The following VKORC1L1 variants were observed in gnomAD, a reference collection of about 807,000 sequenced individuals.
The protein encoded by VKORC1L1 is vitamin K epoxide reductase complex subunit 1L1.
In VKORC1L1, 2 loss-of-function variants were observed where a neutral mutation model predicts 18.9. The observed-to-expected ratio is 0.11, with a 90% CI of 0.04 to 0.33. The LOEUF is 0.33. VKORC1L1 is among the 10% of genes least tolerant of loss of function. VKORC1L1 has a pLI of 1.00. For synonymous variants in VKORC1L1, 96 were observed against 100.0 expected (o/e 0.96, Z 0.24); for missense variants, 123 against 224.1 (o/e 0.55, Z 2.88).
At chr7:65,921,114 A>G (rs1167209546) in intron 1 of VKORC1L1, among the ~76,000 whole-genome samples, 2 of 152,180 alleles carry the variant, frequency 1.3e-5, no homozygotes, top group Non-Finnish European at 2.9e-5. Flanking sequence ...ATTGATACTT[A>G]GAGCACTAAT....
At chr7:65,924,273 A>C (rs903826528) in intron 1 of VKORC1L1, among the ~76,000 whole-genome samples, 12 of 152,200 alleles carry the variant, frequency 7.9e-5, no homozygotes, top group African/African-American at 2.7e-4. Context: ...GGTTCAATGC[A>C]CCAAGTTAAA....
At chr7:65,941,683 T>G (rs1312143862) in intron 1 of VKORC1L1, among the ~76,000 whole-genome samples, 2 of 142,906 alleles carry the variant, frequency 1.4e-5, no homozygotes, top group Admixed American at 1.4e-4. Context: ...GTTTTTTTTT[T>G]TTTTTTTTTT....
chr7:65,903,004 T>A (rs1239307450), intron 1 of VKORC1L1, among the ~76,000 whole-genome samples: 2 of 151,956 alleles, frequency 1.3e-5, no homozygotes, highest in Non-Finnish European at 2.9e-5. Flanking sequence ...GTAGCTGGGA[T>A]TACAGGCATG....
At chr7:65,920,828 GAA>G (rs76621255) in intron 1 of VKORC1L1, among the ~76,000 whole-genome samples, 1 of 126,188 alleles carries the variant, frequency 7.9e-6, no homozygotes. Context: ...CCTGTTTTTA[GAA>G]AAAAAAAAAG....
At position 65,958,911 on chromosome 7, in the gene VKORC1L1, A is replaced by G. The variant is rs1249117702; in HGVS notation, c.*4611A>G. 1 of 152,260 alleles carries G rather than the reference A, an allele frequency of 6.6e-6. No homozygotes were observed. Among genetic ancestry groups the G allele is most frequent in the Non-Finnish European group, 1.5e-5 (1 of 68,054 alleles). The allele number at this position is 152,260 out of a possible 1,614,324, so 9.4% of individuals were successfully genotyped here. A position where few individuals can be genotyped will look rare whatever the true frequency, so the allele number is the denominator to read the frequency against. ...TCCCTGTATAATCCTCTAAAAAGGT[A>G]GCATCGGCAAGAAAGATGAATCCGT... On this transcript the variant is annotated 3_prime_UTR_variant, in exon 3 of 3. Transcript: ENST00000360768.
At chr7:65,940,199 A>G (rs1260837421) in intron 1 of VKORC1L1, among the ~76,000 whole-genome samples, 1 of 151,678 alleles carries the variant, frequency 6.6e-6, no homozygotes, top group Non-Finnish European at 1.5e-5. Context: ...TAATTTTTTT[A>G]TGTTTTCTAG....
intron 1 of VKORC1L1, among the ~76,000 whole-genome samples, chr7:65,929,730 A>T (rs923708546): frequency 2.2e-5 from 3 of 134,184 alleles, no homozygotes; most frequent in East Asian, 2.2e-4. Flanking sequence ...ACTTTTAAAA[A>T]TTTTTTTTTG....
At chr7:65,947,760 G>A (rs181494486) in intron 1 of VKORC1L1, among the ~76,000 whole-genome samples, 3 of 151,206 alleles carry the variant, frequency 2.0e-5, no homozygotes, top group Non-Finnish European at 4.4e-5. Context: ...GTGCAGTCTC[G>A]GCCCACTGCA....
chr7:65,917,971 T>G (rs1379001622), intron 1 of VKORC1L1, among the ~76,000 whole-genome samples: 1 of 152,190 alleles, frequency 6.6e-6, no homozygotes, highest in African/African-American at 2.4e-5. Context: ...AGGGTCGCGA[T>G]AGGTTAGTAG....
chr7:65,931,587 T>C (rs1343740032), intron 1 of VKORC1L1, among the ~76,000 whole-genome samples: 4 of 152,198 alleles, frequency 2.6e-5, no homozygotes, highest in African/African-American at 9.6e-5. Flanking sequence ...TGTATCTTGT[T>C]TTTTTATTCT....
chr7:65,882,826 G>A (rs368027242), intron 1 of VKORC1L1, among the ~76,000 whole-genome samples: 4 of 152,038 alleles, frequency 2.6e-5, no homozygotes, highest in African/African-American at 7.2e-5. Flanking sequence ...AAATGTTTAC[G>A]ACTACCAAGT....
At chr7:65,887,210 G>A (rs532453980) in intron 1 of VKORC1L1, among the ~76,000 whole-genome samples, 1 of 151,888 alleles carries the variant, frequency 6.6e-6, no homozygotes, top group East Asian at 1.9e-4. Context: ...TGTTACTTTT[G>A]CCATATGCTT....
At chr7:65,916,621 G>A (rs1277602358) in intron 1 of VKORC1L1, among the ~76,000 whole-genome samples, 1 of 148,966 alleles carries the variant, frequency 6.7e-6, no homozygotes, top group Non-Finnish European at 1.5e-5. Context: ...TTTTTGAGAT[G>A]GAGTTTTGCT....
intron 1 of VKORC1L1, among the ~76,000 whole-genome samples, chr7:65,920,085 TC>T (rs1393388759): frequency 4.6e-5 from 7 of 152,110 alleles, no homozygotes; most frequent in Non-Finnish European, 8.8e-5. Context: ...CATCCTGGCT[TC>T]CTGGCTGTAC....
rs1328508197 is a variant in VKORC1L1 at position 65,956,224 on chromosome 7, C to T, written c.*1924C>T. On this transcript the variant is annotated 3_prime_UTR_variant, in exon 3 of 3. Transcript: ENST00000360768. ...ACGTTTGAGGGCTGTACAGTGAGGC[C>T]ATCTTGTAGCAGCGCATCCAGCTCT... 1 of 152,184 alleles carries T rather than the reference C, an allele frequency of 6.6e-6. No homozygotes were observed. Among genetic ancestry groups the T allele is most frequent in the Non-Finnish European group, 1.5e-5 (1 of 68,044 alleles). The allele number at this position is 152,184 out of a possible 1,614,324, so 9.4% of individuals were successfully genotyped here.
At chr7:65,873,824 C>T (rs1788775837) in intron 1 of VKORC1L1, among the ~76,000 whole-genome samples, 2 of 150,388 alleles carry the variant, frequency 1.3e-5, no homozygotes, top group East Asian at 2.0e-4. Flanking sequence ...AGAGTGCAGC[C>T]GGGAGGCCGG....
chr7:65,892,187 G>A (rs1219526234), intron 1 of VKORC1L1, among the ~76,000 whole-genome samples: 7 of 151,892 alleles, frequency 4.6e-5, no homozygotes, highest in Non-Finnish European at 7.4e-5. Flanking sequence ...CCATTCGTCT[G>A]TTGATGGACA....
rs1300603846 is a variant in VKORC1L1, at chr7:65,958,629, C to T, written c.*4329C>T. 6.6e-6 allele frequency: 1 copy of T among 152,122 alleles called. No homozygotes were observed. The highest frequency in any genetic ancestry group is 1.5e-5 in the Non-Finnish European group (1 of 68,030). The allele number at this position is 152,122 out of a possible 1,614,324, so 9.4% of individuals were successfully genotyped here. On this transcript the variant is annotated 3_prime_UTR_variant, in exon 3 of 3. Transcript: ENST00000360768. ...AAGTCTTTTTAGACTCAGTAGGAGC[C>T]TTATATTCTTGAAGTCAATACTGTA... is the stretch of plus-strand genomic sequence containing the variant.
chr7:65,877,548 A>T (rs1309300710), intron 1 of VKORC1L1, among the ~76,000 whole-genome samples: 2 of 152,124 alleles, frequency 1.3e-5, no homozygotes, highest in Non-Finnish European at 2.9e-5. Flanking sequence ...GGGTCTTGCC[A>T]TGTTGGCCAG....
Sources: allele counts gnomAD v4.1 joint callset (sites outside exome capture counted in the v4.1 genomes callset), GRCh38; gene constraint gnomAD v4.1.1; transcripts MANE v1.5; gene names NCBI Gene and HGNC (gene_info 2026-07-23, HGNC 2026-07-21).